TNS3: variants seen among roughly 807,000 people sequenced by gnomAD.
TNS3 encodes tensin-3.
In TNS3, 45 loss-of-function variants were observed where a neutral mutation model predicts 140.9. The observed-to-expected ratio is 0.32, with a 90% CI of 0.25 to 0.41. TNS3 has a LOEUF of 0.41. Ranked by LOEUF, TNS3 falls within the 10% of genes least tolerant of loss-of-function variation. The pLI, the probability that TNS3 is intolerant of heterozygous loss-of-function variation, is 1.00. For missense variants in TNS3, 1,716 were observed against 1,906.7 expected (o/e 0.90, Z 1.86); for synonymous variants, 815 against 788.4 (o/e 1.03, Z -0.56).
At chr7:47,562,352 T>C (rs1005341428) in intron 1 of TNS3, among the ~76,000 whole-genome samples, 2 of 151,902 alleles carry the variant, frequency 1.3e-5, no homozygotes, top group African/African-American at 4.8e-5. Context: ...GATAAACACT[T>C]GAAAGGTCAC....
At chr7:47,558,016 C>T (rs555644334) in intron 1 of TNS3, among the ~76,000 whole-genome samples, 2 of 152,278 alleles carry the variant, frequency 1.3e-5, no homozygotes, top group South Asian at 2.1e-4. Flanking sequence ...TGACAAATGA[C>T]GAGAACTTCT....
At chr7:47,432,420 C>G (rs1163749547) in intron 8 of TNS3, among the ~76,000 whole-genome samples, 1 of 152,146 alleles carries the variant, frequency 6.6e-6, no homozygotes, top group Non-Finnish European at 1.5e-5. Context: ...CAGACGCAGC[C>G]CCTTGAGCTT....
intron 1 of TNS3, among the ~76,000 whole-genome samples, chr7:47,561,915 T>C (rs4720597): frequency 0.99 from 151,506 of 152,332 alleles, 75,349 homozygotes; most frequent in Non-Finnish European, 1. Context: ...ACAGCTCCCA[T>C]GCAGCTAGCC....
intron 28 of TNS3, among the ~76,000 whole-genome samples, chr7:47,281,994 A>T (rs1207878955): frequency 2.7e-5 from 4 of 148,774 alleles, no homozygotes; most frequent in African/African-American, 7.5e-5. Flanking sequence ...GCCTGAGTCC[A>T]CCAAGCAGCC....
intron 20 of TNS3, among the ~76,000 whole-genome samples, chr7:47,329,231 C>T (rs943990280): frequency 4.6e-5 from 7 of 152,196 alleles, no homozygotes; most frequent in African/African-American, 1.4e-4. Context: ...ACACTCACTC[C>T]TGGCTTCTCT....
chr7:47,462,520 A>G (rs1796531515), intron 4 of TNS3, among the ~76,000 whole-genome samples: 1 of 152,190 alleles, frequency 6.6e-6, no homozygotes, highest in Non-Finnish European at 1.5e-5. Flanking sequence ...TGGCTAAATC[A>G]GTGTTTGCAG....
At chr7:47,394,222 T>C (rs985609306) in intron 16 of TNS3, among the ~76,000 whole-genome samples, 1 of 152,248 alleles carries the variant, frequency 6.6e-6, no homozygotes, top group East Asian at 1.9e-4. Context: ...AAGATTCATA[T>C]GTCAAAACCT....
intron 1 of TNS3, among the ~76,000 whole-genome samples, chr7:47,549,272 C>T (rs1799999874): frequency 6.6e-6 from 1 of 152,160 alleles, no homozygotes; most frequent in Non-Finnish European, 1.5e-5. Context: ...GTGGGCAGGT[C>T]ACGAGGTCAG....
At chr7:47,445,031 G>A (rs943991730) in intron 4 of TNS3, among the ~76,000 whole-genome samples, 1 of 152,186 alleles carries the variant, frequency 6.6e-6, no homozygotes. Context: ...GTATTGGGAA[G>A]AGGGGCAGGA....
chr7:47,369,547 T>A lies in TNS3; in HGVS notation c.1099A>T (p.Ile367Phe). The A allele has an allele frequency of 1.2e-6, 2 of 1,613,040 alleles. No homozygotes were observed. The highest frequency in any genetic ancestry group is 1.7e-6 in the Non-Finnish European group (2 of 1,179,380). Residue 367 changes from isoleucine to phenylalanine, a missense_variant, in exon 17 of 31, where the codon ATC becomes TTC. Physicochemically the swap from Ile to Phe is conservative, Grantham distance 21. This residue lies in a region of TNS3 where 1,163 missense variants were observed against 1,182.1 expected (regional missense o/e 0.98). Coordinates refer to ENST00000311160, the MANE Select transcript of TNS3 (RefSeq NM_022748.12). ...VRKKSSSDPG[I>F]PGGPQAIPAT... ...GGGATTGCCTGGGGGCCACCTGGGA[T>A]GCCAGGATCCGAGGAGCTTTTCTTC...
At chr7:47,535,965 T>G (rs1799583460) in intron 1 of TNS3, among the ~76,000 whole-genome samples, 1 of 152,226 alleles carries the variant, frequency 6.6e-6, no homozygotes, top group Admixed American at 6.5e-5. Context: ...CTGGGAAACC[T>G]TCAGAGGCAT....
At chr7:47,488,535 T>C (rs1797693559) in intron 3 of TNS3, among the ~76,000 whole-genome samples, 1 of 152,192 alleles carries the variant, frequency 6.6e-6, no homozygotes, top group Admixed American at 6.5e-5. Context: ...TGTGTCTGTG[T>C]CCCAGTCTTT....
At chr7:47,500,810 A>G (rs540187368) in intron 3 of TNS3, among the ~76,000 whole-genome samples, 81 of 152,172 alleles carry the variant, frequency 5.3e-4, no homozygotes, top group Non-Finnish European at 8.5e-4. Context: ...GCTGGGCTCA[A>G]TGGCTCACAC....
At chr7:47,499,223 T>G (rs1392631080) in intron 3 of TNS3, among the ~76,000 whole-genome samples, 2 of 151,932 alleles carry the variant, frequency 1.3e-5, no homozygotes, top group Non-Finnish European at 2.9e-5. Context: ...GAGTCAGGAG[T>G]AATAGTTCCC....
intron 1 of TNS3, among the ~76,000 whole-genome samples, chr7:47,569,044 C>T (rs1355382973): frequency 6.6e-6 from 1 of 152,252 alleles, no homozygotes; most frequent in East Asian, 1.9e-4. Context: ...TGATGTGCTT[C>T]AGGCACGAAG....
chr7:47,287,709 A>G (rs970078173), intron 27 of TNS3, among the ~76,000 whole-genome samples: 2 of 152,210 alleles, frequency 1.3e-5, no homozygotes, highest in African/African-American at 4.8e-5. Context: ...CGTGGCTTGG[A>G]ATCGCGGTTA....
At chr7:47,291,501 A>C (rs1785698428) in intron 27 of TNS3, among the ~76,000 whole-genome samples, 1 of 81,884 alleles carries the variant, frequency 1.2e-5, no homozygotes, top group Non-Finnish European at 2.4e-5. Flanking sequence ...AAGAAACTCT[A>C]TGAATAATTT....
chr7:47,296,324 T>C (rs1180465455), intron 24 of TNS3, among the ~76,000 whole-genome samples: 1 of 152,172 alleles, frequency 6.6e-6, no homozygotes, highest in African/African-American at 2.4e-5. Context: ...GGTGAGGTTG[T>C]AGAGAAAAAG....
At chr7:47,335,623 A>C (rs1788591856) in intron 20 of TNS3, among the ~76,000 whole-genome samples, 1 of 152,140 alleles carries the variant, frequency 6.6e-6, no homozygotes, top group Non-Finnish European at 1.5e-5. Flanking sequence ...TCATGCTCTG[A>C]ACCCAGACTT....
Sources: allele counts gnomAD v4.1 joint callset (sites outside exome capture counted in the v4.1 genomes callset), GRCh38; gene constraint gnomAD v4.1.1; regional missense constraint gnomAD v4.1.1; transcripts MANE v1.5; gene names NCBI Gene and HGNC (gene_info 2026-07-23, HGNC 2026-07-21).